The following TNRC18 variants were observed in gnomAD, a reference collection of about 807,000 sequenced individuals.
TNRC18 encodes trinucleotide repeat-containing gene 18 protein.
In TNRC18, 69 loss-of-function variants were observed where a neutral mutation model predicts 226.7. The observed-to-expected ratio is 0.30, with a 90% CI of 0.25 to 0.37. TNRC18 has a LOEUF of 0.37. Among genes scored for constraint, TNRC18 ranks in the 10% least tolerant of loss-of-function variants. TNRC18 has a pLI of 1.00. For missense variants in TNRC18, 4,754 were observed against 4,256.6 expected (o/e 1.12, Z -3.25); for synonymous variants, 2,449 against 1,927.6 (o/e 1.27, Z -7.09).
Position 5,374,503 on chromosome 7 carries a change from G to A in TNRC18, c.2800-19C>T. ...GCTCCTGCTGGGAAGGGGCCGGCAG[G>A]CAGGGTCAGCACGGCACGAGTTTCC... is the stretch of plus-strand genomic sequence containing the variant. On this transcript the variant is annotated intron_variant, in intron 9 of 29. Transcript: ENST00000430969. 1 of 1,538,606 alleles carries A rather than the reference G, an allele frequency of 6.5e-7. No individual in the cohort carries two copies. Among genetic ancestry groups the A allele is most frequent in the Non-Finnish European group, 8.8e-7 (1 of 1,142,240 alleles).
chr7:5,400,233 G>C (rs556099263), intron 2 of TNRC18, among the ~76,000 whole-genome samples: 31 of 152,062 alleles, frequency 2.0e-4, no homozygotes, highest in Non-Finnish European at 3.8e-4. Context: ...ACAAACCCTG[G>C]AGCTCAGAGA....
At chr7:5,416,479 G>A (rs941131821) in intron 2 of TNRC18, among the ~76,000 whole-genome samples, 5 of 152,208 alleles carry the variant, frequency 3.3e-5, no homozygotes, top group Middle Eastern at 3.2e-3. Flanking sequence ...CTCGCTACTC[G>A]GGCGGCTGAG....
chr7:5,386,114 C>T (rs1779769165), intron 5 of TNRC18, among the ~76,000 whole-genome samples: 1 of 151,824 alleles, frequency 6.6e-6, no homozygotes, highest in Admixed American at 6.6e-5. Context: ...TGGTGAAACC[C>T]TGTCTCTACT....
intron 18 of TNRC18, 94 bp downstream of exon 18, chr7:5,345,468 C>T: frequency 8.0e-7 from 1 of 1,248,196 alleles, no homozygotes. Context: ...TCTGCACCTG[C>T]ATCTCTGAGC....
chr7:5,382,039 T>G (rs1319001451), intron 5 of TNRC18, among the ~76,000 whole-genome samples: 1 of 152,182 alleles, frequency 6.6e-6, no homozygotes, highest in African/African-American at 2.4e-5. Context: ...AGGCTGTCCC[T>G]GTGCCCAGCA....
In TNRC18 at chr7:5,376,848, A is replaced by G. The variant is rs1184461106; in HGVS notation, c.2607T>C (p.Phe869=). The G allele has an allele frequency of 3.7e-6, 6 of 1,610,852 alleles. No individual in the cohort carries two copies. In the South Asian group the frequency reaches 6.6e-5, roughly 18 times the overall value. Residue 869 remains phenylalanine (F), a splice_region_variant and synonymous_variant, in exon 8 of 30, where the codon TTT becomes TTC. Coordinates refer to ENST00000430969, the MANE Select transcript of TNRC18 (RefSeq NM_001080495.3). The part of the protein sequence containing the change: ...VVIPSDHLPH[F]AELMERATVP... ...TGGCCACATAGAAGGTCCACTTACCAAAGTGAGGAAGGTGATCACTGGGAA... is the reference window on the plus strand; with the variant it reads ...TGGCCACATAGAAGGTCCACTTACCGAAGTGAGGAAGGTGATCACTGGGAA...
intron 9 of TNRC18, among the ~76,000 whole-genome samples, chr7:5,375,619 G>A (rs1022080664): frequency 1.1e-4 from 17 of 152,106 alleles, no homozygotes; most frequent in Middle Eastern, 3.2e-3. Flanking sequence ...GGACCATGCC[G>A]TCAGGAGGCA....
intron 8 of TNRC18, among the ~76,000 whole-genome samples, chr7:5,376,490 G>A (rs567441660): frequency 8.5e-5 from 13 of 152,308 alleles, no homozygotes; most frequent in East Asian, 7.7e-4. Flanking sequence ...AGGTCAGCAC[G>A]CAGACACGTA....
rs1308471829 is a variant in TNRC18, at chr7:5,351,758, C to T, written c.5470+61G>A. 3.4e-6 allele frequency: 5 copies of T among 1,484,888 alleles called. No homozygotes were observed. The South Asian group carries it at 4.2e-5, about 13-fold the overall frequency. 92.0% of individuals were successfully genotyped at this position (1,484,888 alleles called of 1,614,324 possible). A position where few individuals can be genotyped will look rare whatever the true frequency, so the allele number is the denominator to read the frequency against. On this transcript the variant is annotated intron_variant, in intron 17 of 29. Transcript: ENST00000430969. ...TGCGCCCACTCGCTTCCCTCTCGCT[C>T]ACTCGCACGCACTCTCTCGCTAGGA... is the stretch of plus-strand genomic sequence containing the variant.
At chr7:5,354,501 G>A (rs1278939398) in intron 16 of TNRC18, among the ~76,000 whole-genome samples, 6 of 152,016 alleles carry the variant, frequency 3.9e-5, no homozygotes, top group Admixed American at 2.0e-4. Context: ...GAGAGCAAAA[G>A]AAAGCCCCTC....
chr7:5,359,258 G>A (rs1016943282), intron 15 of TNRC18, 140 bp downstream of exon 15: 3 of 891,038 alleles, frequency 3.4e-6, no homozygotes, highest in Non-Finnish European at 5.3e-6. Context: ...TTGGAGAAGA[G>A]TCATTCCGGC....
In TNRC18 at chr7:5,375,937, T is replaced by C. The variant is rs117940529; in HGVS notation, c.2799+97A>G. On this transcript the variant is annotated intron_variant, in intron 9 of 29. Coordinates refer to ENST00000430969, the MANE Select transcript of TNRC18 (RefSeq NM_001080495.3). Reference sequence around the variant, plus strand: ...ACCTGCCCCTCTGCTGTTTTCTCCCTCCCTGTAACTGTCTGGAGATTCTGC... The same window carrying C: ...ACCTGCCCCTCTGCTGTTTTCTCCCCCCCTGTAACTGTCTGGAGATTCTGC... 5.5e-4 allele frequency: 689 copies of C among 1,251,060 alleles called. 6 individuals carry two copies. The East Asian group carries it at 8.3e-3, about 15-fold the overall frequency. The allele number at this position is 1,251,060 out of a possible 1,614,324, so 77.5% of individuals were successfully genotyped here. A position where few individuals can be genotyped will look rare whatever the true frequency, so the allele number is the denominator to read the frequency against.
At position 5,307,945 on chromosome 7, in the gene TNRC18, C is replaced by A. The variant is rs1382068476; in HGVS notation, c.*161G>T. On this transcript the variant is annotated 3_prime_UTR_variant, in exon 30 of 30. Transcript: ENST00000430969. ...ACATGCGTGCACACACGTGCATGCA[C>A]ACACACTCACCCGGGCATCCACGTG... 7.6e-6 allele frequency: 5 copies of A among 654,424 alleles called. No individual in the cohort carries two copies. The highest frequency in any genetic ancestry group is 5.5e-5 in the African/African-American group (3 of 54,964). The allele number at this position is 654,424 out of a possible 1,614,324, so 40.5% of individuals were successfully genotyped here. A position where few individuals can be genotyped will look rare whatever the true frequency, so the allele number is the denominator to read the frequency against.
chr7:5,332,628 G>A lies in TNRC18; in HGVS notation c.6141C>T (p.Pro2047=), dbSNP rs1015913355. 6.6e-7 allele frequency: 1 copy of A among 1,526,538 alleles called. No homozygotes were observed. The highest frequency in any genetic ancestry group is 8.8e-7 in the Non-Finnish European group (1 of 1,138,684). The allele number at this position is 1,526,538 out of a possible 1,614,324, so 94.6% of individuals were successfully genotyped here. Residue 2047 remains proline, a synonymous_variant, in exon 19 of 30, where the codon CCC becomes CCT. Transcript: ENST00000430969. ...CTCCCAGCGCGGCCCCTACCTTCCT[G>A]GGGTCCTTCCTGTCCTTTGCACGCC... The part of the protein sequence containing the change: ...DAGRAKDRKD[P]RKKKKGKEAG...
chr7:5,358,890 T>C (rs1792738255), intron 15 of TNRC18, among the ~76,000 whole-genome samples: 2 of 152,142 alleles, frequency 1.3e-5, no homozygotes, highest in African/African-American at 4.8e-5. Context: ...CATTAGTATT[T>C]ACAAAAAGGC....
At chr7:5,395,440 T>G (rs1437432700) in intron 2 of TNRC18, among the ~76,000 whole-genome samples, 1 of 152,194 alleles carries the variant, frequency 6.6e-6, no homozygotes, top group Non-Finnish European at 1.5e-5. Flanking sequence ...AGCCCCGCCA[T>G]GCCCCACGTG....
rs1303017538 is a variant in TNRC18, at chr7:5,377,393, C to T, written c.2439G>A (p.Met813Ile). Reference protein sequence around the residue: ...PWLPRSGNASMWLAGHPYGLG... With the variant: ...PWLPRSGNASIWLAGHPYGLG... Reference sequence around the variant, plus strand: ...CACCGTAGGGGTGTCCAGCGAGCCACATGGATGCGTTGCCCGAGCGGGGCA... The same window carrying T: ...CACCGTAGGGGTGTCCAGCGAGCCATATGGATGCGTTGCCCGAGCGGGGCA... Residue 813 changes from methionine (M) to isoleucine (I), a missense_variant, in exon 7 of 30, where the codon ATG becomes ATA. Physicochemically the swap from Met to Ile is conservative, Grantham distance 10 (BLOSUM62 1). Transcript: ENST00000430969. This position sits in a 1 kb window ranked among gnomAD's most constrained non-coding sequence, Gnocchi z 5.8. The T allele has an allele frequency of 1.9e-6, 3 of 1,592,444 alleles. No homozygotes were observed. Among genetic ancestry groups the T allele is most frequent in the Admixed American group, 1.7e-5 (1 of 57,610 alleles).
chr7:5,361,673 T>C lies in TNRC18; in HGVS notation c.4582A>G (p.Arg1528Gly). 1 of 1,564,422 alleles carries C rather than the reference T, an allele frequency of 6.4e-7. No individual in the cohort carries two copies. Residue 1528 changes from arginine to glycine, a missense_variant, in exon 14 of 30, where the codon AGG (arginine) becomes GGG (glycine). Physicochemically the swap from Arg to Gly is moderately radical, Grantham distance 125 (BLOSUM62 -2). Transcript: ENST00000430969. ...GGGGCGTGGGTCCGTTTCCGCGGCC[T>C]GCCAGGGCCTCTGCGTGCCAAGCTT... ...HRSLARRGPG[R>G]PRKRTHAPSA...
intron 5 of TNRC18, among the ~76,000 whole-genome samples, chr7:5,386,540 C>G (rs962951749): frequency 1.3e-5 from 2 of 150,836 alleles, no homozygotes; most frequent in African/African-American, 4.9e-5. Flanking sequence ...CACCACTGTA[C>G]TCCAGTCTGG....
Sources: gnomAD v4.1 joint callset for allele counts (sites outside exome capture counted in the v4.1 genomes callset) on GRCh38, gnomAD v4.1.1 for gene constraint, Gnocchi (gnomAD v3.1) non-coding constraint, MANE v1.5 for transcripts, NCBI Gene and HGNC (gene_info 2026-07-23, HGNC 2026-07-21) for gene names.